Variants in PTPRO observed in about 807,000 individuals in gnomAD.
PTPRO encodes the protein protein tyrosine phosphatase receptor type O.
A neutral mutation model predicts 145.2 loss-of-function variants in PTPRO; 62 were observed. That is an observed-to-expected ratio of 0.43 (90% CI 0.35 to 0.53). The LOEUF (loss-of-function observed/expected upper bound fraction) is 0.53, where lower values mean the gene tolerates loss of function less well. Among genes scored for constraint, PTPRO ranks in the 20% least tolerant of loss-of-function variants. The probability of loss-of-function intolerance (pLI) is 0.01; values close to 1 mark genes in which losing one functional copy is unlikely to be tolerated. For missense variants in PTPRO, 1,345 were observed against 1,482.7 expected, an observed-to-expected ratio of 0.91 and a Z score of 1.53; for synonymous variants, 565 against 514.7, an observed-to-expected ratio of 1.10 and a Z score of -1.32.
At chr12:15,346,823 G>A (rs983856237) in intron 1 of PTPRO, among the ~76,000 whole-genome samples, 1 of 152,132 alleles carries the variant, frequency 6.6e-6, no homozygotes, top group Non-Finnish European at 1.5e-5. Flanking sequence ...AGATTTTCAT[G>A]GTTCTTCAGA....
At chr12:15,350,074 T>C (rs537568538) in intron 1 of PTPRO, among the ~76,000 whole-genome samples, 1 of 152,270 alleles carries the variant, frequency 6.6e-6, no homozygotes, top group African/African-American at 2.4e-5. Context: ...GATTTGAAAA[T>C]CATCTACCTG....
intron 20 of PTPRO, among the ~76,000 whole-genome samples, chr12:15,579,299 G>A (rs1034344517): frequency 6.6e-6 from 1 of 152,192 alleles, no homozygotes; most frequent in Admixed American, 6.5e-5. Context: ...AGGCGATGCA[G>A]TATATTAAAA....
intron 1 of PTPRO, among the ~76,000 whole-genome samples, chr12:15,424,696 G>C (rs1171407333): frequency 6.6e-6 from 1 of 151,948 alleles, no homozygotes. Flanking sequence ...AAAAACATCT[G>C]AGCTGAGTCT....
chr12:15,517,492 A>G (rs1279622753), intron 9 of PTPRO, among the ~76,000 whole-genome samples: 3 of 152,190 alleles, frequency 2.0e-5, no homozygotes, highest in African/African-American at 7.2e-5. Context: ...CCTTCCCAAC[A>G]GTCCCGAAAA....
intron 9 of PTPRO, among the ~76,000 whole-genome samples, chr12:15,518,589 T>C (rs1304848947): frequency 6.6e-6 from 1 of 152,230 alleles, no homozygotes; most frequent in African/African-American, 2.4e-5. Context: ...TCTGTTTCCC[T>C]TTTAAAACTG....
chr12:15,416,390 G>C (rs1939975371), intron 1 of PTPRO, among the ~76,000 whole-genome samples: 1 of 150,400 alleles, frequency 6.6e-6, no homozygotes. Flanking sequence ...CACAATCTCG[G>C]CTCACTGCAA....
chr12:15,333,591 A>C (rs1565568927), intron 1 of PTPRO, among the ~76,000 whole-genome samples: 1 of 152,228 alleles, frequency 6.6e-6, no homozygotes, highest in Non-Finnish European at 1.5e-5. Flanking sequence ...GCAGGTGTGC[A>C]AGCACAGGGA....
intron 1 of PTPRO, among the ~76,000 whole-genome samples, chr12:15,360,584 T>A (rs1025365468): frequency 6.6e-6 from 1 of 151,970 alleles, no homozygotes; most frequent in Non-Finnish European, 1.5e-5. Context: ...AAACAGTCTG[T>A]GATTGATTTA....
chr12:15,488,312 G>A (rs952674822), intron 2 of PTPRO, among the ~76,000 whole-genome samples: 1 of 152,126 alleles, frequency 6.6e-6, no homozygotes, highest in Admixed American at 6.6e-5. Context: ...TAATAGGTTG[G>A]GAATATCAGA....
At chr12:15,519,954 A>G (rs756763282) in intron 9 of PTPRO, among the ~76,000 whole-genome samples, 1 of 152,224 alleles carries the variant, frequency 6.6e-6, no homozygotes, top group Non-Finnish European at 1.5e-5. Flanking sequence ...TGCAAAATCA[A>G]ACAAATATTG....
chr12:15,352,006 G>A (rs1171172718), intron 1 of PTPRO, among the ~76,000 whole-genome samples: 1 of 152,172 alleles, frequency 6.6e-6, no homozygotes, highest in African/African-American at 2.4e-5. Flanking sequence ...AACACATAAT[G>A]TCTCCATGTC....
chr12:15,570,847 G>A (rs1944029783), intron 19 of PTPRO, among the ~76,000 whole-genome samples: 2 of 152,188 alleles, frequency 1.3e-5, no homozygotes, highest in South Asian at 2.1e-4. Context: ...GCATGCCCTT[G>A]GTGGCACAGC....
chr12:15,378,727 A>C (rs1306768418), intron 1 of PTPRO, among the ~76,000 whole-genome samples: 1 of 152,134 alleles, frequency 6.6e-6, no homozygotes, highest in Admixed American at 6.5e-5. Context: ...CATAATACCA[A>C]AACCAAATAA....
rs193027339 is a variant in PTPRO, at chr12:15,429,230, A to G, written c.76-54744A>G. Among the ~76,000 whole-genome samples the G allele has an allele frequency of 2.8e-4, 42 of 152,304 alleles. No individual in the cohort carries two copies. In the East Asian group the frequency reaches 5.0e-3, roughly 18 times the overall value. ...GGGGCTTGAGATAGAAATGTTGAGA[A>G]CAACACACTTGGTCTCTGTGCTAAT... On this transcript the variant is annotated intron_variant, in intron 1 of 26. Coordinates refer to ENST00000281171, the MANE Select transcript of PTPRO (RefSeq NM_030667.3).
rs756901703 is a variant in PTPRO, at chr12:15,381,437, A to T, written c.75+58636A>T. On this transcript the variant is annotated intron_variant, in intron 1 of 26. Coordinates refer to ENST00000281171, the MANE Select transcript of PTPRO (RefSeq NM_030667.3). ...CTATATCCCTAGTACAGCAGTGATA[A>T]AGCCATGAATGCTGAATGTGCCGTG... is the stretch of plus-strand genomic sequence containing the variant. Among the ~76,000 whole-genome samples the T allele has an allele frequency of 3.3e-5, 5 of 152,318 alleles. No homozygotes were observed. The South Asian group carries it at 1.0e-3, about 32-fold the overall frequency.
At chr12:15,548,208 A>G (rs924490945) in intron 13 of PTPRO, among the ~76,000 whole-genome samples, 32 of 152,308 alleles carry the variant, frequency 2.1e-4, no homozygotes, top group African/African-American at 7.5e-4. Flanking sequence ...ACGGTAAAAA[A>G]AAAATGCAAA....
intron 22 of PTPRO, among the ~76,000 whole-genome samples, chr12:15,581,298 C>CTTTTTTTTTTTTTT (rs147606138): frequency 8.1e-6 from 1 of 123,030 alleles, no homozygotes; most frequent in African/African-American, 3.1e-5. Context: ...TGAGTGCTTT[C>CTTTTTTTTTTTTTT]TTTTTTTTTT....
At chr12:15,400,202 G>A (rs1014743191) in intron 1 of PTPRO, among the ~76,000 whole-genome samples, 1 of 151,700 alleles carries the variant, frequency 6.6e-6, no homozygotes, top group Non-Finnish European at 1.5e-5. Context: ...GTTGGCCATG[G>A]CTATTCTTGA....
chr12:15,440,557 A>C (rs1340327427), intron 1 of PTPRO, among the ~76,000 whole-genome samples: 1 of 152,212 alleles, frequency 6.6e-6, no homozygotes, highest in Non-Finnish European at 1.5e-5. Flanking sequence ...CAAACAGAGA[A>C]GAAATAAAAG....
Sources: allele counts gnomAD v4.1 joint callset (sites outside exome capture counted in the v4.1 genomes callset), GRCh38; gene constraint gnomAD v4.1.1; transcripts MANE v1.5; gene names NCBI Gene and HGNC (gene_info 2026-07-23, HGNC 2026-07-21).